The following PRIM2 variants were observed in gnomAD, a reference collection of about 807,000 sequenced individuals.
PRIM2 encodes DNA primase subunit 2.
Under a neutral mutation model 67.3 loss-of-function variants are expected in PRIM2, and 39 were observed. The ratio of observed to expected loss-of-function variants is 0.58; its 90% CI spans 0.45 to 0.76. PRIM2 has a LOEUF of 0.76. PRIM2 is among the 30% of genes least tolerant of loss of function. The pLI is 0.00. For missense variants in PRIM2, 398 were observed against 598.7 expected, an observed-to-expected ratio of 0.66 and a Z score of 3.50; for synonymous variants, 143 against 198.7, an observed-to-expected ratio of 0.72 and a Z score of 2.36.
At chr6:57,567,388 G>A (rs1775764195) in intron 10 of PRIM2, among the ~76,000 whole-genome samples, 1 of 152,086 alleles carries the variant, frequency 6.6e-6, no homozygotes. Flanking sequence ...CTTTGTGTTG[G>A]ATTAGTTTGC....
At chr6:57,310,155 A>G (rs554070188), upstream of PRIM2, among the ~76,000 whole-genome samples, 650 of 152,322 alleles carry the variant, frequency 4.3e-3, 5 homozygotes, top group African/African-American at 0.015. Context: ...ACACTTCTCA[A>G]AAGAAGACAT....
At chr6:57,556,305 A>G (rs1447935389) in intron 10 of PRIM2, among the ~76,000 whole-genome samples, 2 of 152,160 alleles carry the variant, frequency 1.3e-5, no homozygotes, top group African/African-American at 4.8e-5. Context: ...TAAAATTCGT[A>G]TGGAACCAAA....
the PRIM2 span, among the ~76,000 whole-genome samples, chr6:57,302,029 A>T: frequency 3.3e-5 from 5 of 152,210 alleles, no homozygotes; most frequent in Non-Finnish European, 5.9e-5. Context: ...CCAAAAGCTA[A>T]GACAGAACTT....
At chr6:57,485,274 C>T (rs1773728105) in intron 7 of PRIM2, among the ~76,000 whole-genome samples, 1 of 152,076 alleles carries the variant, frequency 6.6e-6, no homozygotes, top group East Asian at 1.9e-4. Flanking sequence ...GGCAGAGTAC[C>T]TAGCTTTATT....
intron 7 of PRIM2, chr6:57,382,755 T>A: frequency 6.6e-6 from 1 of 152,196 alleles, no homozygotes. Context: ...AAAACACATA[T>A]TTTACAGTTG....
intron 7 of PRIM2, among the ~76,000 whole-genome samples, chr6:57,488,309 T>G (rs1200642564): frequency 6.6e-6 from 1 of 152,212 alleles, no homozygotes; most frequent in African/African-American, 2.4e-5. Context: ...TGGTATTGGT[T>G]GGAATCCCAG....
intron 10 of PRIM2, among the ~76,000 whole-genome samples, chr6:57,576,036 C>T (rs1452769177): frequency 6.6e-6 from 1 of 152,148 alleles, no homozygotes; most frequent in Non-Finnish European, 1.5e-5. Context: ...CCTCAGCCTC[C>T]CAAAGTGCTG....
intron 8 of PRIM2, among the ~76,000 whole-genome samples, chr6:57,509,003 T>C (rs1320711032): frequency 1.3e-5 from 2 of 152,196 alleles, no homozygotes; most frequent in Non-Finnish European, 2.9e-5. Context: ...TTTAAACTTC[T>C]CTTTCAGAAG....
intron 5 of PRIM2, among the ~76,000 whole-genome samples, chr6:57,376,024 T>C (rs1366348616): frequency 6.6e-6 from 1 of 152,016 alleles, no homozygotes; most frequent in Non-Finnish European, 1.5e-5. Flanking sequence ...CTGAGCAACA[T>C]AGGGAGATCC....
chr6:57,628,923 G>A (rs1473515216), intron 12 of PRIM2, among the ~76,000 whole-genome samples: 1 of 152,028 alleles, frequency 6.6e-6, no homozygotes, highest in Non-Finnish European at 1.5e-5. Context: ...ATCTGTTCTT[G>A]GATTTTGGTG....
chr6:57,368,185 A>G (rs374888602), intron 5 of PRIM2, among the ~76,000 whole-genome samples: 2 of 152,084 alleles, frequency 1.3e-5, no homozygotes, highest in Non-Finnish European at 1.5e-5. Context: ...TGTTTTATAT[A>G]TATCATATAT....
At chr6:57,498,921 A>G (rs1221403338) in intron 7 of PRIM2, among the ~76,000 whole-genome samples, 3 of 152,166 alleles carry the variant, frequency 2.0e-5, no homozygotes, top group Non-Finnish European at 2.9e-5. Flanking sequence ...CATGCTCATC[A>G]TTTGAAAAAG....
chr6:57,484,341 G>C (rs1287272387), intron 7 of PRIM2, among the ~76,000 whole-genome samples: 33 of 152,170 alleles, frequency 2.2e-4, no homozygotes, highest in Non-Finnish European at 2.9e-5. Flanking sequence ...GATTGTTGTA[G>C]GGTTTATGCT....
chr6:57,402,547 G>T (rs1770749061), intron 7 of PRIM2, among the ~76,000 whole-genome samples: 1 of 152,170 alleles, frequency 6.6e-6, no homozygotes, highest in South Asian at 2.1e-4. Flanking sequence ...GGCTTTAAAT[G>T]ATTTGGGTAA....
chr6:57,325,079 T>G (rs1180797126), intron 4 of PRIM2, among the ~76,000 whole-genome samples: 1 of 145,874 alleles, frequency 6.9e-6, no homozygotes, highest in Non-Finnish European at 1.5e-5. Flanking sequence ...ATCTGCCTTA[T>G]AAATGAACGT....
At chr6:57,488,146 T>C (rs1268565362) in intron 7 of PRIM2, among the ~76,000 whole-genome samples, 3 of 152,230 alleles carry the variant, frequency 2.0e-5, no homozygotes, top group Admixed American at 6.5e-5. Flanking sequence ...TCTTTCCATC[T>C]GACTTCTGAA....
At chr6:57,537,173 TAAAA>T (rs1167147477) in intron 9 of PRIM2, among the ~76,000 whole-genome samples, 2 of 152,070 alleles carry the variant, frequency 1.3e-5, no homozygotes, top group Non-Finnish European at 2.9e-5. Flanking sequence ...TTAATTAAAT[TAAAA>T]AAACAGGTAA....
intron 10 of PRIM2, among the ~76,000 whole-genome samples, chr6:57,560,040 T>C: frequency 6.6e-6 from 1 of 152,198 alleles, no homozygotes; most frequent in Non-Finnish European, 1.5e-5. Flanking sequence ...ATAAAAGATT[T>C]CTTTGTGGCA....
chr6:57,473,427 T>C (rs1773386412), intron 7 of PRIM2, among the ~76,000 whole-genome samples: 1 of 152,198 alleles, frequency 6.6e-6, no homozygotes, highest in East Asian at 1.9e-4. Context: ...CCAGCTGTTC[T>C]TTAGATTAAC....
Sources: allele counts gnomAD v4.1 joint callset (sites outside exome capture counted in the v4.1 genomes callset), GRCh38; gene constraint gnomAD v4.1.1; transcripts MANE v1.5; gene names NCBI Gene and HGNC (gene_info 2026-07-23, HGNC 2026-07-21).